LHFPL3: variants seen among roughly 807,000 people sequenced by gnomAD.
LHFPL3 encodes LHFPL tetraspan subfamily member 3 protein.
Under a neutral mutation model 19.3 loss-of-function variants are expected in LHFPL3, and 5 were observed. The ratio of observed to expected loss-of-function variants is 0.26; its 90% CI spans 0.14 to 0.54. The LOEUF is 0.54. LHFPL3 is among the 20% of genes least tolerant of loss of function. The probability of loss-of-function intolerance (pLI) is 0.94; values close to 1 mark genes in which losing one functional copy is unlikely to be tolerated. For missense variants in LHFPL3, 249 were observed against 307.4 expected (o/e 0.81, Z 1.42); for synonymous variants, 133 against 126.2 (o/e 1.05, Z -0.36).
rs1057438080 is a variant in LHFPL3, at chr7:104,718,124, T to C, written c.446-18551T>C. 1.2e-4 allele frequency among the ~76,000 whole-genome samples: 18 copies of C among 152,134 alleles called. 1 individual carries two copies. Among genetic ancestry groups the C allele is most frequent in the Non-Finnish European group, 2.4e-4 (16 of 68,020 alleles). On this transcript the variant is annotated intron_variant, in intron 1 of 2. Coordinates refer to ENST00000424859, the MANE Select transcript of LHFPL3 (RefSeq NM_199000.3). ...CTCATAGAATCAGTGAGTGGAATAG[T>C]GGCTGCTAGGGGCTGGAGGTAGGGA...
chr7:104,372,884 T>A (rs913966797), intron 1 of LHFPL3, among the ~76,000 whole-genome samples: 21 of 151,992 alleles, frequency 1.4e-4, no homozygotes, highest in Non-Finnish European at 4.4e-5. Context: ...AATGGGTGGA[T>A]CATGAATTAA....
At chr7:104,875,478 T>C (rs191285008) in intron 2 of LHFPL3, among the ~76,000 whole-genome samples, 48 of 152,296 alleles carry the variant, frequency 3.2e-4, no homozygotes, top group African/African-American at 1.1e-3. Context: ...TTAGAGCCCA[T>C]CTGGGTGAAT....
intron 1 of LHFPL3, among the ~76,000 whole-genome samples, chr7:104,544,820 G>A (rs1794550518): frequency 6.6e-6 from 1 of 152,106 alleles, no homozygotes; most frequent in Non-Finnish European, 1.5e-5. Context: ...TCCTTTTCCT[G>A]CCCCTCACTA....
intron 1 of LHFPL3, among the ~76,000 whole-genome samples, chr7:104,697,399 C>T (rs538823424): frequency 6.6e-6 from 1 of 152,230 alleles, no homozygotes; most frequent in East Asian, 1.9e-4. Flanking sequence ...TAAGGAGTAT[C>T]ACATAATGTA....
At chr7:104,616,296 A>G (rs1482707569) in intron 1 of LHFPL3, among the ~76,000 whole-genome samples, 1 of 152,188 alleles carries the variant, frequency 6.6e-6, no homozygotes, top group Admixed American at 6.6e-5. Context: ...AGTCACATAG[A>G]CCAATGGAAC....
intron 1 of LHFPL3, among the ~76,000 whole-genome samples, chr7:104,441,993 C>T (rs975471660): frequency 9.2e-5 from 14 of 152,042 alleles, no homozygotes; most frequent in African/African-American, 3.1e-4. Context: ...GTGGCTGCAA[C>T]GTTTTACATT....
At chr7:104,687,875 T>A (rs1038940003) in intron 1 of LHFPL3, among the ~76,000 whole-genome samples, 22 of 152,180 alleles carry the variant, frequency 1.4e-4, no homozygotes, top group Non-Finnish European at 1.3e-4. Flanking sequence ...TCTAGCAGAA[T>A]GGGTGGTAGA....
At chr7:104,649,198 T>C (rs76338933) in intron 1 of LHFPL3, among the ~76,000 whole-genome samples, 16,656 of 152,164 alleles carry the variant, frequency 0.11, 1,098 homozygotes, top group Non-Finnish European at 0.15. Context: ...TTGAGATGGA[T>C]GGTAGGAATG....
chr7:104,476,235 A>G (rs1161564835), intron 1 of LHFPL3, among the ~76,000 whole-genome samples: 3 of 152,232 alleles, frequency 2.0e-5, no homozygotes, highest in Non-Finnish European at 4.4e-5. Context: ...AAGATACCAC[A>G]CAAAAGATGT....
rs550667430 is a variant in LHFPL3, at chr7:104,904,227, G to A, written c.683-1960G>A. On this transcript the variant is annotated intron_variant, in intron 2 of 2. Transcript: ENST00000424859. ...GAGAAGTTCATTAAGATCATAATGT[G>A]GATACGATTTTTTTAAGTGTGTTGA... Among the ~76,000 whole-genome samples the A allele has an allele frequency of 3.9e-5, 6 of 152,156 alleles. No individual in the cohort carries two copies. In the East Asian group the frequency reaches 1.2e-3, roughly 29 times the overall value.
intron 2 of LHFPL3, among the ~76,000 whole-genome samples, chr7:104,807,602 G>A (rs1414138046): frequency 1.3e-5 from 2 of 152,206 alleles, no homozygotes; most frequent in East Asian, 3.8e-4. Context: ...CCCAATGCCT[G>A]TACCATAACA....
chr7:104,619,437 T>G (rs1044628409), intron 1 of LHFPL3, among the ~76,000 whole-genome samples: 1 of 152,220 alleles, frequency 6.6e-6, no homozygotes, highest in Non-Finnish European at 1.5e-5. Context: ...TTTCTTTTTT[T>G]TCAGAATTTC....
At chr7:104,709,669 T>C (rs937882452) in intron 1 of LHFPL3, among the ~76,000 whole-genome samples, 9 of 151,832 alleles carry the variant, frequency 5.9e-5, no homozygotes, top group Non-Finnish European at 1.3e-4. Flanking sequence ...TCTCTCTTTC[T>C]TTTCCCCACA....
rs908917137 is a variant in LHFPL3 at position 104,841,491 on chromosome 7, GGGGTGTGT to G, written c.683-64694_683-64687del. On this transcript the variant is annotated intron_variant, in intron 2 of 2. Transcript: ENST00000424859. ...CAATATGTATTACGATGCATTATGT[GGGGTGTGT>G]GTGTGTGTGTGTGTGTGTGTGTGTG... Among the ~76,000 whole-genome samples the G allele has an allele frequency of 1.5e-3, 210 of 141,912 alleles. 1 individual carries two copies. The highest frequency in any genetic ancestry group is 3.1e-3 in the East Asian group (14 of 4,562). 93.1% of individuals were successfully genotyped at this position (141,912 alleles called of 152,430 possible).
intron 1 of LHFPL3, among the ~76,000 whole-genome samples, chr7:104,450,621 T>C (rs1234294374): frequency 1.3e-5 from 2 of 151,992 alleles, no homozygotes; most frequent in Non-Finnish European, 2.9e-5. Flanking sequence ...ATACCTAATG[T>C]AGATGACGGG....
At chr7:104,905,128 A>C (rs1196199065) in intron 2 of LHFPL3, among the ~76,000 whole-genome samples, 1 of 151,902 alleles carries the variant, frequency 6.6e-6, no homozygotes, top group Non-Finnish European at 1.5e-5. Flanking sequence ...TAATTTTTGT[A>C]TGTTTTGTAG....
At chr7:104,430,385 TATATATATATATATATATAC>T (rs1791943155) in intron 1 of LHFPL3, among the ~76,000 whole-genome samples, 3 of 43,316 alleles carry the variant, frequency 6.9e-5, no homozygotes, top group African/African-American at 5.6e-4. Context: ...TATATATACA[TATATATATATATATATATAC>T]ATATATATAT....
intron 1 of LHFPL3, among the ~76,000 whole-genome samples, chr7:104,682,179 A>T (rs1214290042): frequency 6.6e-6 from 1 of 152,148 alleles, no homozygotes; most frequent in Non-Finnish European, 1.5e-5. Flanking sequence ...TCCCTTTTTC[A>T]AACTCATTTT....
chr7:104,500,098 G>A (rs888972683), intron 1 of LHFPL3, among the ~76,000 whole-genome samples: 3 of 152,160 alleles, frequency 2.0e-5, no homozygotes, highest in Non-Finnish European at 2.9e-5. Context: ...GATTCAGTCC[G>A]AGAAGAGATG....
Sources: allele counts gnomAD v4.1 joint callset (sites outside exome capture counted in the v4.1 genomes callset), GRCh38; gene constraint gnomAD v4.1.1; transcripts MANE v1.5; gene names NCBI Gene and HGNC (gene_info 2026-07-23, HGNC 2026-07-21).